Variants in WT1 observed in about 807,000 individuals in gnomAD.
WT1 encodes WT1 transcription factor.
Under a neutral mutation model 60.8 loss-of-function variants are expected in WT1, and 8 were observed. That is an observed-to-expected ratio of 0.13 (90% CI 0.08 to 0.24). The LOEUF (loss-of-function observed/expected upper bound fraction) is 0.24, where lower values mean the gene tolerates loss of function less well. WT1 is among the 10% of genes least tolerant of loss of function. The pLI, the probability that WT1 is intolerant of heterozygous loss-of-function variation, is 1.00. For missense variants in WT1, 568 were observed against 711.8 expected (o/e 0.80, Z 2.30); for synonymous variants, 312 against 297.1 (o/e 1.05, Z -0.52).
chr11:32,426,283 C>T (rs574791275), intron 3 of WT1, among the ~76,000 whole-genome samples: 58 of 152,318 alleles, frequency 3.8e-4, no homozygotes, highest in African/African-American at 1.3e-3. Flanking sequence ...AAGGGGTGGA[C>T]CAAGGTCATT....
At chr11:32,428,740 G>T in intron 1 of WT1, 121 bp from the exon 2 acceptor site, 1 of 1,487,080 alleles carries the variant, frequency 6.7e-7, no homozygotes, top group Non-Finnish European at 9.1e-7. Flanking sequence ...ACCCCCAGCG[G>T]AGGAGAATCC....
intron 1 of WT1, among the ~76,000 whole-genome samples, chr11:32,429,444 C>T (rs1381467663): frequency 6.7e-6 from 1 of 148,664 alleles, no homozygotes; most frequent in Non-Finnish European, 1.5e-5. Flanking sequence ...CAGTTTCCCC[C>T]TAGGGAAATC....
At chr11:32,431,407 C>A (rs1401659723) in intron 1 of WT1, among the ~76,000 whole-genome samples, 1 of 148,114 alleles carries the variant, frequency 6.8e-6, no homozygotes, top group East Asian at 2.0e-4. Flanking sequence ...TGCGGGGCTG[C>A]GGGATCAGTG....
chr11:32,405,415 C>G (rs1208715685), intron 5 of WT1, among the ~76,000 whole-genome samples: 2 of 151,684 alleles, frequency 1.3e-5, no homozygotes, highest in Non-Finnish European at 2.9e-5. Context: ...CACCACTGCA[C>G]TCTAGCCTGG....
At chr11:32,395,086 T>C (rs532719148) in intron 7 of WT1, among the ~76,000 whole-genome samples, 1 of 152,356 alleles carries the variant, frequency 6.6e-6, no homozygotes, top group East Asian at 1.9e-4. Flanking sequence ...GACACCAGAA[T>C]TGCATCCTCT....
intron 5 of WT1, among the ~76,000 whole-genome samples, chr11:32,414,535 A>G (rs910876444): frequency 9.2e-5 from 14 of 152,190 alleles, no homozygotes. Context: ...TCAGCCTCCC[A>G]AAGTGCTGGG....
rs2234593 is a variant in WT1, at chr11:32,392,787, G to T, written c.1265-32C>A. 151,650 of 1,603,662 alleles carry T rather than the reference G, an allele frequency of 0.095. 8,595 individuals carry two copies. Among genetic ancestry groups the T allele is most frequent in the African/African-American group, 0.23 (17,524 of 74,738 alleles). On this transcript the variant is annotated intron_variant, in intron 7 of 9. Transcript: ENST00000452863. ...GAAGACACATATTCTATTTGAAAATGATACTGGAAAAGGGGATCTCATTAA... is the reference window on the plus strand; with the variant it reads ...GAAGACACATATTCTATTTGAAAATTATACTGGAAAAGGGGATCTCATTAA...
intron 6 of WT1, among the ~76,000 whole-genome samples, chr11:32,397,815 G>A (rs1160886427): frequency 6.6e-6 from 1 of 152,154 alleles, no homozygotes; most frequent in Admixed American, 6.5e-5. Context: ...GATGTTAATA[G>A]GCCATAGTGT....
At chr11:32,404,097 C>G (rs1183785763) in intron 5 of WT1, among the ~76,000 whole-genome samples, 1 of 149,370 alleles carries the variant, frequency 6.7e-6, no homozygotes, top group Non-Finnish European at 1.5e-5. Flanking sequence ...CATTGTGAAA[C>G]CCATCTCTAC....
intron 3 of WT1, among the ~76,000 whole-genome samples, chr11:32,427,152 C>A (rs964556755): frequency 1.8e-4 from 28 of 152,208 alleles, no homozygotes; most frequent in Non-Finnish European, 3.4e-4. Context: ...CCCCGGCCCC[C>A]GCCCCAACTT....
intron 1 of WT1, among the ~76,000 whole-genome samples, chr11:32,431,763 T>C (rs1310740347): frequency 2.0e-5 from 3 of 152,054 alleles, no homozygotes; most frequent in Non-Finnish European, 4.4e-5. Flanking sequence ...AGTCTGGGGC[T>C]ACTCAAGTCC....
chr11:32,399,825 A>G (rs1852091731), intron 6 of WT1, 123 bp downstream of exon 6: 1 of 1,044,662 alleles, frequency 9.6e-7, no homozygotes, highest in East Asian at 2.6e-5. Flanking sequence ...CTGATGTTAA[A>G]GGAGCCTGCA....
intron 8 of WT1, 100 bp downstream of exon 8, chr11:32,392,565 TG>T: frequency 1.7e-6 from 2 of 1,148,868 alleles, no homozygotes; most frequent in Admixed American, 3.6e-5. Context: ...ACTAAACACA[TG>T]GCTGACTCTC....
chr11:32,430,966 G>T, intron 1 of WT1: 1 of 571,958 alleles, frequency 1.7e-6, no homozygotes, highest in Non-Finnish European at 2.2e-6. Flanking sequence ...GGAAGGAGCA[G>T]CGTGTTCAAA....
intron 9 of WT1, 70 bp from the exon 10 acceptor site, chr11:32,389,249 C>T (rs879406807): frequency 2.4e-5 from 38 of 1,611,288 alleles, no homozygotes; most frequent in South Asian, 1.1e-4. Flanking sequence ...TATCAAGGCC[C>T]GAGTGAAGTC....
chr11:32,424,180 A>AAAAG (rs1590386350), intron 3 of WT1, among the ~76,000 whole-genome samples: 2 of 148,962 alleles, frequency 1.3e-5, no homozygotes, highest in African/African-American at 2.5e-5. Flanking sequence ...AAAAAAAAAA[A>AAAAG]GTGATACATT....
At position 32,428,604 on chromosome 11, in the gene WT1, G is replaced by A. The variant is rs556804456; in HGVS notation, c.677C>T (p.Thr226Ile). 2 of 1,613,672 alleles carry A rather than the reference G, an allele frequency of 1.2e-6. No homozygotes were observed. The highest frequency in any genetic ancestry group is 1.1e-5 in the South Asian group (1 of 91,086). ...ACCGTAGCTGGGCGTCCCGTCGAAGGTGACCGTGCTGTAACCTGCGGGAGC... is the reference window on the plus strand; with the variant it reads ...ACCGTAGCTGGGCGTCCCGTCGAAGATGACCGTGCTGTAACCTGCGGGAGC... The change falls in exon 2 of 10, where the codon ACC (threonine) becomes ATC (isoleucine). Residue 226 changes from threonine to isoleucine, a missense_variant. Physicochemically the swap from Thr to Ile is moderately conservative, Grantham distance 89. This residue lies in a region of WT1 where 523 missense variants were observed against 565.1 expected (regional missense o/e 0.93). Transcript: ENST00000452863.
chr11:32,433,609 TACCGAATCAA>T, intron 1 of WT1, among the ~76,000 whole-genome samples: 1 of 152,220 alleles, frequency 6.6e-6, no homozygotes, highest in East Asian at 1.9e-4. Context: ...TTTACTAAAT[TACCGAATCAA>T]ACCGAACTGG....
chr11:32,410,363 C>A (rs1016814961), intron 5 of WT1, among the ~76,000 whole-genome samples: 5 of 152,194 alleles, frequency 3.3e-5, no homozygotes, highest in Non-Finnish European at 7.3e-5. Context: ...CTTTCCCCAG[C>A]CAGCTAGAAC....
Sources: gnomAD v4.1 joint callset for allele counts (sites outside exome capture counted in the v4.1 genomes callset) on GRCh38, gnomAD v4.1.1 for gene constraint, gnomAD v4.1.1 regional missense constraint, MANE v1.5 for transcripts, NCBI Gene and HGNC (gene_info 2026-07-23, HGNC 2026-07-21) for gene names.